SEPSECS: variants seen among roughly 807,000 people sequenced by gnomAD.
SEPSECS encodes the protein O-phosphoseryl-tRNA(Sec) selenium transferase.
A neutral mutation model predicts 52.1 loss-of-function variants in SEPSECS; 42 were observed. That is an observed-to-expected ratio of 0.81 (90% CI 0.63 to 1.04). The LOEUF is 1.04. SEPSECS is among the 50% of genes least tolerant of loss of function. SEPSECS has a pLI of 0.00. For synonymous variants in SEPSECS, 216 were observed against 211.4 expected, an observed-to-expected ratio of 1.02 and a Z score of -0.19; for missense variants, 590 against 610.6, an observed-to-expected ratio of 0.97 and a Z score of 0.36.
At chr4:25,155,364 T>C in intron 4 of SEPSECS, 1 of 590,490 alleles carries the variant, frequency 1.7e-6, no homozygotes, top group Non-Finnish European at 3.0e-6. Flanking sequence ...TTTAGGACCA[T>C]AAGTCTATTT....
rs999858450 is a variant in SEPSECS, at chr4:25,144,995, T to C, written c.934+9A>G. 8.7e-6 allele frequency: 14 copies of C among 1,613,808 alleles called. No individual in the cohort carries two copies. Among genetic ancestry groups the C allele is most frequent in the Non-Finnish European group, 1.2e-5 (14 of 1,179,908 alleles). ...GCTACTTTTTCTGAAAAGCAACTTA[T>C]TTATTTACCTGGATACATCTTGCTG... is the stretch of plus-strand genomic sequence containing the variant. On this transcript the variant is annotated intron_variant, in intron 7 of 10. Coordinates refer to ENST00000382103, the MANE Select transcript of SEPSECS (RefSeq NM_016955.4).
In SEPSECS at chr4:25,124,102, C is replaced by T; in HGVS notation, c.1335G>A (p.Gln445=). ...NAASAIGMKM[Q]DVDLFIKRLD... The stretch of plus-strand genomic sequence containing the variant: ...GTCTCTTTATGAACAGGTCCACATC[C>T]TGCATCTTCATTCCGATGGCTGATG... The change falls in exon 11 of 11, where the codon CAG becomes CAA. Residue 445 remains glutamine, a synonymous_variant. Transcript: ENST00000382103. 1.2e-6 allele frequency: 2 copies of T among 1,613,800 alleles called. No individual in the cohort carries two copies. Among genetic ancestry groups the T allele is most frequent in the Non-Finnish European group, 1.7e-6 (2 of 1,179,796 alleles).
intron 4 of SEPSECS, 140 bp from the exon 5 acceptor site, chr4:25,155,291 C>A: frequency 1.1e-6 from 1 of 905,910 alleles, no homozygotes; most frequent in Non-Finnish European, 1.7e-6. Context: ...GTAATAAATA[C>A]ACGGCTCAGT....
intron 6 of SEPSECS, among the ~76,000 whole-genome samples, chr4:25,146,727 A>T (rs1711985125): frequency 6.6e-6 from 1 of 152,186 alleles, no homozygotes; most frequent in African/African-American, 2.4e-5. Flanking sequence ...CAATCTCAGA[A>T]ATGGTACAAG....
chr4:25,156,809 G>A (rs1048255959), intron 3 of SEPSECS, 47 bp downstream of exon 3: 8 of 874,898 alleles, frequency 9.1e-6, no homozygotes, highest in Non-Finnish European at 1.6e-5. Context: ...AGTGGTGTGT[G>A]TGTGTGTCCA....
intron 5 of SEPSECS, 41 bp downstream of exon 5, chr4:25,154,957 A>G (rs1219741228): frequency 6.3e-7 from 1 of 1,592,948 alleles, no homozygotes; most frequent in East Asian, 2.2e-5. Context: ...TATTTAAAAG[A>G]CTGATAAACA....
chr4:25,146,684 C>T (rs1017449141), intron 6 of SEPSECS, among the ~76,000 whole-genome samples: 4 of 152,186 alleles, frequency 2.6e-5, no homozygotes, highest in African/African-American at 9.7e-5. Flanking sequence ...AAAGGCAGCA[C>T]ATTCTGTGGC....
chr4:25,160,476 T>TG (rs35083858), upstream of SEPSECS: 1 of 900,416 alleles, frequency 1.1e-6, no homozygotes, highest in South Asian at 1.6e-5. Flanking sequence ...GGCAGCGCCT[T>TG]GGGACAAAAA....
chr4:25,135,666 A>G (rs761939592), intron 8 of SEPSECS, among the ~76,000 whole-genome samples: 1 of 152,174 alleles, frequency 6.6e-6, no homozygotes, highest in African/African-American at 2.4e-5. Context: ...ATTCCAAACA[A>G]TTGAAAAGGA....
At chr4:25,146,108 G>C (rs192446832) in intron 6 of SEPSECS, among the ~76,000 whole-genome samples, 27 of 152,268 alleles carry the variant, frequency 1.8e-4, no homozygotes, top group Admixed American at 1.8e-3. Flanking sequence ...CTTAAAAATA[G>C]AGATACTGTC....
intron 8 of SEPSECS, among the ~76,000 whole-genome samples, chr4:25,130,176 A>G (rs1347092563): frequency 6.6e-6 from 1 of 152,254 alleles, no homozygotes; most frequent in Non-Finnish European, 1.5e-5. Context: ...AGTGGTGAAG[A>G]CAATTTAAAA....
chr4:25,139,257 C>T (rs17408782), intron 8 of SEPSECS, among the ~76,000 whole-genome samples: 514 of 152,124 alleles, frequency 3.4e-3, no homozygotes, highest in Non-Finnish European at 4.6e-3. Context: ...GCTTTAGGGC[C>T]TACACATAAA....
At chr4:25,135,434 C>T (rs1306337231) in intron 8 of SEPSECS, among the ~76,000 whole-genome samples, 2 of 152,052 alleles carry the variant, frequency 1.3e-5, no homozygotes, top group South Asian at 4.1e-4. Context: ...ACTATAAACA[C>T]CACTATGAAA....
intron 8 of SEPSECS, among the ~76,000 whole-genome samples, chr4:25,132,808 G>A (rs1728665154): frequency 6.6e-6 from 1 of 152,104 alleles, no homozygotes; most frequent in East Asian, 1.9e-4. Context: ...CCTAGCACAG[G>A]GCCAGTGATC....
rs1451268815 is a variant in SEPSECS, at chr4:25,136,942, C to A, written c.1026+7832G>T. ...TACAACCATCTGATCTTTGGCAAAC[C>A]TGACAAAAACAAGCAACGGGGAAAG... On this transcript the variant is annotated intron_variant, in intron 8 of 10. Coordinates refer to ENST00000382103, the MANE Select transcript of SEPSECS (RefSeq NM_016955.4). 2.0e-5 allele frequency among the ~76,000 whole-genome samples: 3 copies of A among 152,206 alleles called. No individual in the cohort carries two copies. The East Asian group carries it at 5.8e-4, about 29-fold the overall frequency.
At chr4:25,125,270 C>A in intron 10 of SEPSECS, 1 of 161,418 alleles carries the variant, frequency 6.2e-6, no homozygotes, top group Non-Finnish European at 1.4e-5. Flanking sequence ...GAGGCAGTTA[C>A]ATAGGCAAGG....
Position 25,123,592 on chromosome 4 carries a change from G to C in SEPSECS, c.*339C>G. Reference sequence around the variant, plus strand: ...GATCAGAAACGGTAAAGAATGGTTAGGAGGAAGCACTCTACATTTCAAAGA... The same window carrying C: ...GATCAGAAACGGTAAAGAATGGTTACGAGGAAGCACTCTACATTTCAAAGA... On this transcript the variant is annotated 3_prime_UTR_variant, in exon 11 of 11. Transcript: ENST00000382103. 1 of 298,242 alleles carries C rather than the reference G, an allele frequency of 3.4e-6. No individual in the cohort carries two copies. The highest frequency in any genetic ancestry group is 6.4e-6 in the Non-Finnish European group (1 of 155,184). 18.5% of individuals were successfully genotyped at this position (298,242 alleles called of 1,614,324 possible).
intron 10 of SEPSECS, 42 bp from the exon 11 acceptor site, chr4:25,124,267 G>A (rs1378493370): frequency 6.4e-7 from 1 of 1,573,940 alleles, no homozygotes; most frequent in Non-Finnish European, 8.7e-7. Flanking sequence ...GTCTGGTAAT[G>A]GTAACACAAT....
chr4:25,151,603 A>T (rs1041658404), intron 6 of SEPSECS, among the ~76,000 whole-genome samples: 2 of 152,250 alleles, frequency 1.3e-5, no homozygotes, highest in African/African-American at 4.8e-5. Context: ...TAAGATAATA[A>T]GGTACAATAA....
Sources: gnomAD v4.1 joint callset for allele counts (sites outside exome capture counted in the v4.1 genomes callset) on GRCh38, gnomAD v4.1.1 for gene constraint, MANE v1.5 for transcripts, NCBI Gene and HGNC (gene_info 2026-07-23, HGNC 2026-07-21) for gene names.